RGL1: variants seen among roughly 807,000 people sequenced by gnomAD.
RGL1 encodes the protein ral guanine nucleotide dissociation stimulator-like 1.
A neutral mutation model predicts 95.2 loss-of-function variants in RGL1; 24 were observed. The observed-to-expected ratio is 0.25, with a 90% CI of 0.18 to 0.35. The LOEUF (loss-of-function observed/expected upper bound fraction) is 0.35, where lower values mean the gene tolerates loss of function less well. RGL1 is among the 10% of genes least tolerant of loss of function. The probability of loss-of-function intolerance (pLI) is 1.00; values close to 1 mark genes in which losing one functional copy is unlikely to be tolerated. For missense variants in RGL1, 715 were observed against 936.3 expected (o/e 0.76, Z 3.08); for synonymous variants, 329 against 344.9 (o/e 0.95, Z 0.51).
At chr1:183,922,408 G>A (rs1321338969) in intron 17 of RGL1, 72 bp downstream of exon 17, 8 of 1,111,056 alleles carry the variant, frequency 7.2e-6, no homozygotes, top group South Asian at 2.6e-5. Context: ...AGTGCTCCGC[G>A]TTTAGAAGGC....
chr1:183,873,148 A>G (rs1572534348), intron 4 of RGL1, among the ~76,000 whole-genome samples: 2 of 152,216 alleles, frequency 1.3e-5, no homozygotes, highest in Admixed American at 6.5e-5. Context: ...TTGATAATCA[A>G]TGGCTCAAAA....
intron 2 of RGL1, among the ~76,000 whole-genome samples, chr1:183,825,665 A>G (rs1205382828): frequency 6.6e-6 from 1 of 152,194 alleles, no homozygotes; most frequent in Non-Finnish European, 1.5e-5. Flanking sequence ...TATCATATCA[A>G]TTCTGAATGC....
chr1:183,884,929 C>T lies in RGL1; in HGVS notation c.942C>T (p.Asn314=), dbSNP rs747017309. The T allele has an allele frequency of 6.2e-7, 1 of 1,613,364 alleles. No individual in the cohort carries two copies. Among genetic ancestry groups the T allele is most frequent in the Non-Finnish European group, 8.5e-7 (1 of 1,179,376 alleles). The change falls in exon 7 of 18, where the codon AAC becomes AAT. Residue 314 remains asparagine (N), a synonymous_variant. Transcript: ENST00000360851. ...CCAAAATCATTGAGAAGTGGATCAA[C>T]ATCGCTCATGTAATTGTCTTTTATA... is the stretch of plus-strand genomic sequence containing the variant. ...QRAKIIEKWI[N]IAHECRLLKN...
intron 1 of RGL1, among the ~76,000 whole-genome samples, chr1:183,670,336 C>G (rs1652355054): frequency 6.6e-6 from 1 of 152,152 alleles, no homozygotes; most frequent in South Asian, 2.1e-4. Context: ...TGAGGCCAGG[C>G]TTTCTTAAGA....
chr1:183,715,357 C>T (rs959135343), intron 1 of RGL1, among the ~76,000 whole-genome samples: 9 of 152,080 alleles, frequency 5.9e-5, no homozygotes, highest in Non-Finnish European at 7.4e-5. Flanking sequence ...ACCAACCTCA[C>T]CTCATTGTTG....
intron 3 of RGL1, among the ~76,000 whole-genome samples, chr1:183,855,831 T>A (rs1665105448): frequency 1.3e-5 from 2 of 152,236 alleles, no homozygotes. Flanking sequence ...TCTAAACTTT[T>A]TGTTCTGAGT....
intron 1 of RGL1, among the ~76,000 whole-genome samples, chr1:183,668,681 T>C (rs952007011): frequency 1.3e-5 from 2 of 152,070 alleles, no homozygotes; most frequent in African/African-American, 4.8e-5. Flanking sequence ...TTTTGTTTTC[T>C]TTTTGTTTTG....
chr1:183,684,113 T>G (rs1161024169), intron 1 of RGL1, among the ~76,000 whole-genome samples: 1 of 152,216 alleles, frequency 6.6e-6, no homozygotes, highest in Non-Finnish European at 1.5e-5. Flanking sequence ...GATTAGAACA[T>G]GTTCCTTTAG....
At chr1:183,672,261 G>A (rs1019956843) in intron 1 of RGL1, among the ~76,000 whole-genome samples, 1 of 152,072 alleles carries the variant, frequency 6.6e-6, no homozygotes, top group Non-Finnish European at 1.5e-5. Context: ...ATTTCACTAT[G>A]ATGTGTTTAG....
intron 1 of RGL1, among the ~76,000 whole-genome samples, chr1:183,704,639 T>G (rs1654796208): frequency 6.6e-6 from 1 of 152,042 alleles, no homozygotes; most frequent in Admixed American, 6.6e-5. Flanking sequence ...GGGTCTTGGG[T>G]GGTTGTAGCT....
intron 2 of RGL1, among the ~76,000 whole-genome samples, chr1:183,796,857 T>C (rs1430060343): frequency 6.6e-6 from 1 of 152,212 alleles, no homozygotes; most frequent in African/African-American, 2.4e-5. Flanking sequence ...ATTTCTGAGT[T>C]GATGGTTGTA....
At chr1:183,681,291 G>T (rs549544751) in intron 1 of RGL1, among the ~76,000 whole-genome samples, 6 of 152,268 alleles carry the variant, frequency 3.9e-5, no homozygotes, top group Non-Finnish European at 8.8e-5. Flanking sequence ...TGCCCATTCA[G>T]TGTAATATTG....
chr1:183,774,464 C>A (rs12024301), intron 2 of RGL1, among the ~76,000 whole-genome samples: 8,279 of 152,036 alleles, frequency 0.054, 249 homozygotes, highest in East Asian at 0.08. Context: ...CATTTGCCAT[C>A]TTTAACTGAA....
Position 183,883,875 on chromosome 1 carries a change from G to A in RGL1, c.700G>A (p.Asp234Asn). ...AGCAGAATTCACGTGCTTCTCAGAA[G>A]ATCTCGTGGCAGAGCAGCTGACCTA... Reference protein sequence around the residue: ...ESAEFTCFSEDLVAEQLTYMD... With the variant: ...ESAEFTCFSENLVAEQLTYMD... The change falls in exon 6 of 18, where the codon GAT (aspartate) becomes AAT (asparagine). Residue 234 changes from aspartate to asparagine, a missense_variant. By Grantham distance (23) the Asp-to-Asn change is conservative (BLOSUM62 1). Around this residue, in one of 3 missense-constraint regions of RGL1, gnomAD observed 381 missense variants for 484.8 expected, o/e 0.79. Transcript: ENST00000360851. 1 of 1,614,118 alleles carries A rather than the reference G, an allele frequency of 6.2e-7. No homozygotes were observed. Among genetic ancestry groups the A allele is most frequent in the Non-Finnish European group, 8.5e-7 (1 of 1,179,926 alleles).
At position 183,691,367 on chromosome 1, in the gene RGL1, C is replaced by T. The variant is rs532502948; in HGVS notation, c.-32-50759C>T. Among the ~76,000 whole-genome samples the T allele has an allele frequency of 3.0e-3, 457 of 152,218 alleles. 26 individuals carry two copies. The South Asian group carries it at 0.093, about 31-fold the overall frequency. ...GATTTCTACTTCTGGGTGAGTGTTA[C>T]GCTATCACATGCCCTGAAGTGATAG... On this transcript the variant is annotated intron_variant, in intron 1 of 18. Coordinates refer to the RGL1 transcript ENST00000304685.
rs71130636 is a variant in RGL1, at chr1:183,752,674, TTCTCTC to T, written c.132+10411_132+10416del. ...AACAGTAACACATCTCTTTCTCTCTTTCTCTCTCTCTCTCTCTCTCTCTCTCTCTCT... is the reference window on the plus strand; with the variant it reads ...AACAGTAACACATCTCTTTCTCTCTTTCTCTCTCTCTCTCTCTCTCTCTCT... On this transcript the variant is annotated intron_variant, in intron 2 of 18. Transcript: ENST00000304685. Among the ~76,000 whole-genome samples, 20 of 31,320 alleles carry T rather than the reference TTCTCTC, an allele frequency of 6.4e-4. 1 individual carries two copies. The highest frequency in any genetic ancestry group is 3.8e-3 in the Admixed American group (11 of 2,864). 20.5% of individuals were successfully genotyped at this position (31,320 alleles called of 152,430 possible).
Position 183,726,571 on chromosome 1 carries a change from C to G in RGL1, c.-32-15555C>G, listed in dbSNP as rs1476724272. Among the ~76,000 whole-genome samples, 3 of 152,058 alleles carry G rather than the reference C, an allele frequency of 2.0e-5. No homozygotes were observed. In the East Asian group the frequency reaches 5.8e-4, roughly 29 times the overall value. ...TTGAAAGACACAATCAAAACTAACT[C>G]AAGAATCAACAGAAAACCTGAATAT... On this transcript the variant is annotated intron_variant, in intron 1 of 18. Transcript: ENST00000304685.
intron 3 of RGL1, among the ~76,000 whole-genome samples, chr1:183,850,728 G>A (rs1664781358): frequency 6.6e-6 from 1 of 152,188 alleles, no homozygotes; most frequent in Non-Finnish European, 1.5e-5. Flanking sequence ...GATCATACCT[G>A]TAAGTAGAAA....
chr1:183,672,819 A>G lies in RGL1; in HGVS notation c.-33+36318A>G, dbSNP rs186678631. ...GAGTGTGGTAAAATTTTATTTAGTA[A>G]GTCATACTTGGTGGGGATCCTGTGT... On this transcript the variant is annotated intron_variant, in intron 1 of 18. Coordinates refer to the RGL1 transcript ENST00000304685. Among the ~76,000 whole-genome samples the G allele has an allele frequency of 4.7e-3, 719 of 152,272 alleles. 5 individuals carry two copies. The highest frequency in any genetic ancestry group is 7.0e-3 in the Non-Finnish European group (475 of 68,020).
Sources: allele counts gnomAD v4.1 joint callset (sites outside exome capture counted in the v4.1 genomes callset), GRCh38; gene constraint gnomAD v4.1.1; regional missense constraint gnomAD v4.1.1; transcripts MANE v1.5; gene names NCBI Gene and HGNC (gene_info 2026-07-23, HGNC 2026-07-21).